BABAM2: variants seen among roughly 807,000 people sequenced by gnomAD.
BABAM2 encodes BRISC and BRCA1-A complex member 2.
Under a neutral mutation model 54.7 loss-of-function variants are expected in BABAM2, and 31 were observed. The ratio of observed to expected loss-of-function variants is 0.57; its 90% confidence interval spans 0.43 to 0.77. The LOEUF (loss-of-function observed/expected upper bound fraction) is 0.77. Among genes scored for constraint, BABAM2 ranks in the 30% least tolerant of loss-of-function variants. BABAM2 has a pLI of 0.00. For synonymous variants in BABAM2, 167 were observed against 162.9 expected (o/e 1.03, Z -0.19); for missense variants, 364 against 455.8 (o/e 0.80, Z 1.83).
rs199922750 is a variant in BABAM2 at position 27,942,954 on chromosome 2, TC to T, written c.205+13047del. Among the ~76,000 whole-genome samples, 819 of 151,934 alleles carry T rather than the reference TC, an allele frequency of 5.4e-3. 6 individuals carry two copies. The highest frequency in any genetic ancestry group is 0.016 in the African/African-American group (681 of 41,444). ...GAGTAGCTGGGACTATAGGTGTGCA[TC>T]ACCATTTTTTTGTAGAGACGGGGTT... On this transcript the variant is annotated intron_variant, in intron 3 of 11. Coordinates refer to ENST00000379624, the MANE Select transcript of BABAM2 (RefSeq NM_199191.3).
chr2:28,115,567 A>G (rs1197024369), intron 6 of BABAM2, among the ~76,000 whole-genome samples: 1 of 152,074 alleles, frequency 6.6e-6, no homozygotes, highest in Non-Finnish European at 1.5e-5. Context: ...CAGAGCTTGC[A>G]GTGAGCCAAG....
chr2:28,180,883 A>G (rs192947286), intron 7 of BABAM2, among the ~76,000 whole-genome samples: 132 of 152,302 alleles, frequency 8.7e-4, no homozygotes, highest in African/African-American at 2.8e-3. Flanking sequence ...AATCATCAGG[A>G]AAATGAAAAT....
chr2:28,018,077 T>C (rs952753677), intron 4 of BABAM2, among the ~76,000 whole-genome samples: 2 of 152,204 alleles, frequency 1.3e-5, no homozygotes, highest in African/African-American at 4.8e-5. Context: ...TTTCTGAGAT[T>C]GGTACATCCA....
intron 6 of BABAM2, among the ~76,000 whole-genome samples, chr2:28,110,661 A>T (rs907102222): frequency 2.0e-5 from 3 of 152,018 alleles, no homozygotes; most frequent in Admixed American, 1.3e-4. Flanking sequence ...TAAAATAAAA[A>T]AACACAGGTG....
intron 10 of BABAM2, among the ~76,000 whole-genome samples, chr2:28,277,401 G>C (rs958594288): frequency 6.6e-6 from 1 of 152,058 alleles, no homozygotes; most frequent in Non-Finnish European, 1.5e-5. Context: ...CACTGTTCCC[G>C]GCCCATAATC....
At chr2:28,283,821 G>C (rs1038346187) in intron 10 of BABAM2, among the ~76,000 whole-genome samples, 4 of 152,112 alleles carry the variant, frequency 2.6e-5, no homozygotes, top group Non-Finnish European at 4.4e-5. Context: ...ATTTAGAAAG[G>C]GATAGGGGAG....
At chr2:28,258,615 C>CTTTTTTCT (rs1684183336) in intron 10 of BABAM2, among the ~76,000 whole-genome samples, 1 of 100,044 alleles carries the variant, frequency 1.0e-5, no homozygotes, top group African/African-American at 3.7e-5. Context: ...TTTTTCTTTT[C>CTTTTTTCT]TTTTTTTTTT....
At chr2:28,199,729 T>A (rs556463370) in intron 7 of BABAM2, among the ~76,000 whole-genome samples, 10 of 151,994 alleles carry the variant, frequency 6.6e-5, no homozygotes, top group Non-Finnish European at 1.0e-4. Flanking sequence ...ATAGATTGGG[T>A]TCTAGGAAGG....
In BABAM2 at chr2:28,154,955, G is replaced by A. The variant is rs180966318; in HGVS notation, c.680+25575G>A. The stretch of plus-strand genomic sequence containing the variant: ...TTCACAGACCCTGTTTTGTATCTCC[G>A]TGCTATTCCTACCTTTTAAATTTTA... On this transcript the variant is annotated intron_variant, in intron 7 of 11. Coordinates refer to ENST00000379624, the MANE Select transcript of BABAM2 (RefSeq NM_199191.3). Among the ~76,000 whole-genome samples the A allele has an allele frequency of 1.6e-3, 238 of 152,192 alleles. 1 individual carries two copies. The highest frequency in any genetic ancestry group is 7.8e-3 in the Admixed American group (120 of 15,288).
At chr2:27,893,147 G>A (rs1271769283) in intron 1 of BABAM2, among the ~76,000 whole-genome samples, 5 of 152,156 alleles carry the variant, frequency 3.3e-5, no homozygotes, top group Non-Finnish European at 5.9e-5. Flanking sequence ...TTCTTTTGAT[G>A]TGGCATTATT....
intron 3 of BABAM2, among the ~76,000 whole-genome samples, chr2:27,986,065 A>G (rs2148482426): frequency 6.6e-6 from 1 of 152,260 alleles, no homozygotes; most frequent in Non-Finnish European, 1.5e-5. Context: ...TTGATGTCAT[A>G]GTATTTGGAG....
intron 6 of BABAM2, among the ~76,000 whole-genome samples, chr2:28,112,450 A>C (rs1307271711): frequency 4.0e-5 from 6 of 151,722 alleles, no homozygotes; most frequent in Admixed American, 1.3e-4. Context: ...GAGTGAGAAC[A>C]TGCGGTGTTT....
chr2:28,079,762 G>A, intron 6 of BABAM2, among the ~76,000 whole-genome samples: 1 of 152,080 alleles, frequency 6.6e-6, no homozygotes, highest in Admixed American at 6.5e-5. Context: ...TGAAGTAAAG[G>A]TGGGTGGATT....
At chr2:28,082,288 T>A (rs73922217) in intron 6 of BABAM2, among the ~76,000 whole-genome samples, 2,216 of 152,310 alleles carry the variant, frequency 0.015, 43 homozygotes, top group African/African-American at 0.05. Context: ...TTTGTGGTAT[T>A]GGTTGTCTGA....
intron 6 of BABAM2, among the ~76,000 whole-genome samples, chr2:28,104,966 A>G (rs988883783): frequency 1.3e-5 from 2 of 149,902 alleles, no homozygotes; most frequent in Non-Finnish European, 2.9e-5. Context: ...GCATGTTCTC[A>G]CTCATAGGTG....
At chr2:28,248,793 G>C (rs1683149564) in intron 10 of BABAM2, among the ~76,000 whole-genome samples, 1 of 152,170 alleles carries the variant, frequency 6.6e-6, no homozygotes, top group African/African-American at 2.4e-5. Context: ...AGCCTGGACT[G>C]TAGGCCTTTT....
chr2:28,258,609 T>A (rs1684175888), intron 10 of BABAM2, among the ~76,000 whole-genome samples: 1 of 89,290 alleles, frequency 1.1e-5, no homozygotes. Context: ...TTTTCTTTTT[T>A]CTTTTCTTTT....
intron 11 of BABAM2, among the ~76,000 whole-genome samples, chr2:28,324,584 G>A (rs1690284738): frequency 6.6e-6 from 1 of 150,984 alleles, no homozygotes; most frequent in African/African-American, 2.4e-5. Context: ...GACCAGCCTG[G>A]GCAACATAGT....
chr2:28,210,400 G>A (rs1339053453), intron 7 of BABAM2, among the ~76,000 whole-genome samples: 1 of 152,184 alleles, frequency 6.6e-6, no homozygotes, highest in African/African-American at 2.4e-5. Flanking sequence ...TGTACCAGAA[G>A]AATAGAAGAG....
Sources: allele counts gnomAD v4.1 joint callset (sites outside exome capture counted in the v4.1 genomes callset), GRCh38; gene constraint gnomAD v4.1.1; transcripts MANE v1.5; gene names NCBI Gene and HGNC (gene_info 2026-07-23, HGNC 2026-07-21).